The following ERBB4 variants were observed in gnomAD, a reference collection of about 807,000 sequenced individuals.
ERBB4 encodes erb-b2 receptor tyrosine kinase 4, also known as receptor tyrosine-protein kinase erbB-4.
Under a neutral mutation model 158.0 loss-of-function variants are expected in ERBB4, and 42 were observed. The ratio of observed to expected loss-of-function variants is 0.27; its 90% CI spans 0.21 to 0.34. ERBB4 has a LOEUF of 0.34. Among genes scored for constraint, ERBB4 ranks in the 10% least tolerant of loss-of-function variants. The pLI, the probability that ERBB4 is intolerant of heterozygous loss-of-function variation, is 1.00. For missense variants in ERBB4, 1,333 were observed against 1,624.1 expected (o/e 0.82, Z 3.08); for synonymous variants, 583 against 558.7 (o/e 1.04, Z -0.61).
chr2:211,860,983 TTATATAATATAATATA>T (rs1297922675), intron 3 of ERBB4, among the ~76,000 whole-genome samples: 2 of 69,932 alleles, frequency 2.9e-5, no homozygotes, highest in Non-Finnish European at 5.6e-5. Context: ...TTTAAATATA[TTATATAATATAATATA>T]TTATATATTT....
intron 1 of ERBB4, among the ~76,000 whole-genome samples, chr2:212,462,543 C>T (rs757262874): frequency 9.2e-5 from 14 of 151,808 alleles, no homozygotes; most frequent in Admixed American, 6.6e-4. Flanking sequence ...AAATCAAAAC[C>T]CCAATGAGAT....
chr2:211,960,394 A>G (rs2125172394), intron 2 of ERBB4, among the ~76,000 whole-genome samples: 1 of 152,278 alleles, frequency 6.6e-6, no homozygotes, highest in Admixed American at 6.6e-5. Flanking sequence ...AATAATATTC[A>G]ATGACATAAA....
intron 1 of ERBB4, among the ~76,000 whole-genome samples, chr2:212,182,487 G>T (rs2081898342): frequency 6.6e-6 from 1 of 151,794 alleles, no homozygotes; most frequent in African/African-American, 2.4e-5. Flanking sequence ...AAACTTCCTA[G>T]GGATGTAAAT....
intron 1 of ERBB4, among the ~76,000 whole-genome samples, chr2:212,265,825 C>A (rs2085114463): frequency 6.6e-6 from 1 of 151,984 alleles, no homozygotes; most frequent in Non-Finnish European, 1.5e-5. Flanking sequence ...GGTAAATGAT[C>A]AAACACATTT....
At chr2:212,127,954 A>G (rs2079993395) in intron 1 of ERBB4, among the ~76,000 whole-genome samples, 1 of 152,170 alleles carries the variant, frequency 6.6e-6, no homozygotes, top group African/African-American at 2.4e-5. Flanking sequence ...ACAGTGAGAG[A>G]ATAAATCGCT....
intron 1 of ERBB4, among the ~76,000 whole-genome samples, chr2:212,375,969 A>T (rs938294455): frequency 6.6e-6 from 1 of 152,116 alleles, no homozygotes; most frequent in African/African-American, 2.4e-5. Context: ...GTTGAAGATG[A>T]AGCCTGCAGT....
At chr2:212,243,411 G>A (rs1371679669) in intron 1 of ERBB4, among the ~76,000 whole-genome samples, 2 of 152,146 alleles carry the variant, frequency 1.3e-5, no homozygotes, top group Non-Finnish European at 2.9e-5. Context: ...AACAAATCAT[G>A]TCTGTCTTCA....
At chr2:212,314,247 T>A (rs894687753) in intron 1 of ERBB4, among the ~76,000 whole-genome samples, 1 of 151,104 alleles carries the variant, frequency 6.6e-6, no homozygotes, top group African/African-American at 2.4e-5. Context: ...TATGAGTACA[T>A]AGTTTCTCAG....
chr2:211,966,213 TA>T (rs916146218), intron 2 of ERBB4, among the ~76,000 whole-genome samples: 1 of 151,914 alleles, frequency 6.6e-6, no homozygotes, highest in African/African-American at 2.4e-5. Context: ...GACCCTGTCT[TA>T]AAAAAAGAAA....
intron 16 of ERBB4, among the ~76,000 whole-genome samples, chr2:211,641,096 A>G (rs2070568080): frequency 6.6e-6 from 1 of 152,138 alleles, no homozygotes. Flanking sequence ...TTCAAGACCC[A>G]TACCTGTTGA....
intron 1 of ERBB4, among the ~76,000 whole-genome samples, chr2:212,279,004 C>G (rs1171659900): frequency 5.9e-5 from 9 of 151,434 alleles, no homozygotes; most frequent in Non-Finnish European, 5.9e-5. Context: ...AAATTTCACA[C>G]TTTGTTAGGA....
intron 2 of ERBB4, among the ~76,000 whole-genome samples, chr2:212,069,919 A>T (rs1448837338): frequency 6.6e-6 from 1 of 151,800 alleles, no homozygotes; most frequent in Non-Finnish European, 1.5e-5. Context: ...GAAACTTGAG[A>T]CCAGCCTGGG....
At chr2:211,684,036 G>A (rs77597273) in intron 12 of ERBB4, among the ~76,000 whole-genome samples, 16,885 of 151,794 alleles carry the variant, frequency 0.11, 1,387 homozygotes, top group Non-Finnish European at 0.17. Flanking sequence ...ATTAGATTTC[G>A]TTTATTTATT....
At chr2:211,751,913 A>C (rs2075142155) in intron 4 of ERBB4, among the ~76,000 whole-genome samples, 1 of 152,236 alleles carries the variant, frequency 6.6e-6, no homozygotes, top group African/African-American at 2.4e-5. Flanking sequence ...CCAAGTTAAT[A>C]AAATACTTAG....
intron 20 of ERBB4, among the ~76,000 whole-genome samples, chr2:211,509,191 G>A (rs1409554733): frequency 6.6e-6 from 1 of 151,902 alleles, no homozygotes; most frequent in Non-Finnish European, 1.5e-5. Flanking sequence ...GTCGGGGAGT[G>A]GGGGACAAGG....
chr2:211,781,696 T>C (rs1468999304), intron 4 of ERBB4, among the ~76,000 whole-genome samples: 1 of 152,202 alleles, frequency 6.6e-6, no homozygotes, highest in Non-Finnish European at 1.5e-5. Context: ...CAAGGTCCTT[T>C]ATTCTTTTGT....
At chr2:211,864,998 GAAACTCTGTCTAAAAAATAAAAAATAAAT>G (rs950388887) in intron 3 of ERBB4, among the ~76,000 whole-genome samples, 30 of 152,082 alleles carry the variant, frequency 2.0e-4, no homozygotes, top group African/African-American at 7.2e-4. Flanking sequence ...CCTGGAGAGT[GAAACTCTGTCTAAAAAATAAAAAATAAAT>G]AAATAAAAGA....
intron 21 of ERBB4, 125 bp downstream of exon 21, chr2:211,430,820 T>G: frequency 1.2e-6 from 1 of 823,622 alleles, no homozygotes; most frequent in Non-Finnish European, 2.1e-6. Context: ...AAGAGGCAAA[T>G]GGTAGAACCA....
At chr2:211,917,130 A>C (rs943798793) in intron 3 of ERBB4, among the ~76,000 whole-genome samples, 2 of 152,188 alleles carry the variant, frequency 1.3e-5, no homozygotes, top group African/African-American at 4.8e-5. Flanking sequence ...AGGTCAGGCT[A>C]TAAGTGCCAT....
Sources: allele counts gnomAD v4.1 joint callset (sites outside exome capture counted in the v4.1 genomes callset), GRCh38; gene constraint gnomAD v4.1.1; transcripts MANE v1.5; gene names NCBI Gene and HGNC (gene_info 2026-07-23, HGNC 2026-07-21).